CENATAC: variants seen among roughly 807,000 people sequenced by gnomAD.
CENATAC encodes the protein centrosomal AT-AC splicing factor.
In CENATAC, 53 loss-of-function variants were observed where a neutral mutation model predicts 53.7. That is an observed-to-expected ratio of 0.99 (90% CI 0.79 to 1.24). The LOEUF (loss-of-function observed/expected upper bound fraction) is 1.24. Among genes scored for constraint, CENATAC ranks in the 50% most tolerant of loss-of-function variants. CENATAC has a pLI of 0.00. For missense variants in CENATAC, 474 were observed against 417.8 expected (o/e 1.13, Z -1.17); for synonymous variants, 156 against 144.6 (o/e 1.08, Z -0.57).
chr11:119,010,621 G>C, intron 3 of CENATAC, 143 bp from the exon 4 acceptor site: 1 of 670,966 alleles, frequency 1.5e-6, no homozygotes, highest in South Asian at 2.0e-5. Flanking sequence ...AAGGACTCTG[G>C]GTGAGAGGTA....
chr11:119,013,290 C>A (rs1460377134), intron 8 of CENATAC, 28 bp downstream of exon 8: 2 of 1,581,252 alleles, frequency 1.3e-6, no homozygotes, highest in Non-Finnish European at 8.6e-7. Context: ...GTTTTTAAAA[C>A]CCTGGGAGAT....
intron 3 of CENATAC, chr11:119,009,434 T>C (rs998727795): frequency 6.7e-6 from 1 of 149,002 alleles, no homozygotes; most frequent in Admixed American, 6.6e-5. Flanking sequence ...GCTTAAATGA[T>C]TTTTTAAAAC....
chr11:119,008,105 A>G (rs1433328848), intron 3 of CENATAC, among the ~76,000 whole-genome samples: 1 of 152,166 alleles, frequency 6.6e-6, no homozygotes, highest in Non-Finnish European at 1.5e-5. Context: ...TACTTATTGA[A>G]GGGGTGGCCT....
At chr11:119,011,915 T>G (rs1217769248) in intron 5 of CENATAC, 24 bp from the exon 6 acceptor site, 1 of 1,612,278 alleles carries the variant, frequency 6.2e-7, no homozygotes, top group Non-Finnish European at 8.5e-7. Flanking sequence ...CCAGACACAT[T>G]TATTTTTCCT....
At chr11:119,013,978 A>C (rs1469882849) in intron 8 of CENATAC, 1 of 152,196 alleles carries the variant, frequency 6.6e-6, no homozygotes, top group Non-Finnish European at 1.5e-5. Context: ...TTAAAGACTG[A>C]TCATGCCAAG....
At position 118,998,159 on chromosome 11, in the gene CENATAC, G is replaced by T. The variant is rs202159848; in HGVS notation, c.-39G>T. ...GGTCAGAGGCCGCCGGATGGCGTAG[G>T]ATCGGCCGCTGGTGGTGGTGATACC... On this transcript the variant is annotated 5_prime_UTR_variant, in exon 1 of 11. Transcript: ENST00000334418. The T allele has an allele frequency of 3.8e-6, 6 of 1,559,444 alleles. No homozygotes were observed. In the East Asian group the frequency reaches 1.4e-4, roughly 37 times the overall value.
At chr11:119,011,380 CT>C (rs373262037) in intron 5 of CENATAC, 97 bp downstream of exon 5, 18,412 of 923,664 alleles carry the variant, frequency 0.02, 103 homozygotes, top group African/African-American at 0.07. Flanking sequence ...TCTTCTTCTT[CT>C]TTTTTTTTTG....
At chr11:119,007,654 T>C (rs552656590) in intron 3 of CENATAC, among the ~76,000 whole-genome samples, 51 of 152,012 alleles carry the variant, frequency 3.4e-4, no homozygotes, top group Non-Finnish European at 6.3e-4. Context: ...CACACCTGGC[T>C]ATTTCTGTAT....
At position 119,014,974 on chromosome 11, in the gene CENATAC, A is replaced by G. The variant is rs782692857; in HGVS notation, c.716-20A>G. 9 of 1,459,490 alleles carry G rather than the reference A, an allele frequency of 6.2e-6. No individual in the cohort carries two copies. The highest frequency in any genetic ancestry group is 2.3e-5 in the East Asian group (1 of 43,762). The allele number at this position is 1,459,490 out of a possible 1,614,324, so 90.4% of individuals were successfully genotyped here. On this transcript the variant is annotated intron_variant, in intron 8 of 10. Transcript: ENST00000334418. ...CTGAAGACTTAAAAAAAAAAAAAAA[A>G]GCCTTAATTTTTTTTTCAGGTGCCA...
chr11:119,000,483 AT>A (rs937950880), intron 3 of CENATAC, among the ~76,000 whole-genome samples: 2 of 70,592 alleles, frequency 2.8e-5, no homozygotes, highest in Non-Finnish European at 6.4e-5. Flanking sequence ...GGATTTAGTT[AT>A]TTTTTTCTTT....
intron 3 of CENATAC, 195 bp downstream of exon 3, chr11:118,999,304 G>A (rs1942172155): frequency 1.9e-6 from 1 of 537,838 alleles, no homozygotes; most frequent in Non-Finnish European, 3.3e-6. Flanking sequence ...TGGGGGATAG[G>A]ATTTAGCAAA....
At position 119,011,087 on chromosome 11, in the gene CENATAC, C is replaced by T. The variant is rs576878353; in HGVS notation, c.451-134C>T. 25 of 726,838 alleles carry T rather than the reference C, an allele frequency of 3.4e-5. No individual in the cohort carries two copies. In the Admixed American group the frequency reaches 3.8e-4, roughly 11 times the overall value. The allele number at this position is 726,838 out of a possible 1,614,324, so 45.0% of individuals were successfully genotyped here. ...AGGAGCTCAGGCGGCAGTGCTGTTG[C>T]AGCCTGCTTCCTGACAGGCCACAGA... On this transcript the variant is annotated intron_variant, in intron 4 of 10. Coordinates refer to ENST00000334418, the MANE Select transcript of CENATAC (RefSeq NM_198489.3).
chr11:119,010,683 TAAA>T, intron 3 of CENATAC, 78 bp from the exon 4 acceptor site: 1 of 1,266,668 alleles, frequency 7.9e-7, no homozygotes, highest in South Asian at 1.3e-5. Context: ...TTCTCAAAAT[TAAA>T]AAAATATCTA....
intron 7 of CENATAC, 26 bp downstream of exon 7, chr11:119,012,280 A>C: frequency 6.2e-7 from 1 of 1,612,342 alleles, no homozygotes; most frequent in Non-Finnish European, 8.5e-7. Flanking sequence ...AAGCCAGAAG[A>C]GGGCCAATGG....
intron 8 of CENATAC, among the ~76,000 whole-genome samples, 184 bp downstream of exon 8, chr11:119,013,446 C>A (rs567552001): frequency 6.6e-6 from 1 of 150,490 alleles, no homozygotes; most frequent in Non-Finnish European, 1.5e-5. Context: ...CAGGTGTGCA[C>A]CACCACACCC....
At chr11:119,007,388 T>C (rs184170034) in intron 3 of CENATAC, among the ~76,000 whole-genome samples, 5 of 152,256 alleles carry the variant, frequency 3.3e-5, no homozygotes, top group African/African-American at 1.2e-4. Context: ...TTCAGCATGT[T>C]GGTCAGGCTG....
intron 3 of CENATAC, among the ~76,000 whole-genome samples, chr11:119,000,587 C>G (rs938970251): frequency 9.9e-5 from 15 of 151,808 alleles, no homozygotes; most frequent in East Asian, 5.8e-4. Flanking sequence ...AAAACCCTGT[C>G]TCTACTAAAA....
chr11:119,003,291 G>A (rs1020081274), intron 3 of CENATAC: 29 of 526,584 alleles, frequency 5.5e-5, no homozygotes, highest in East Asian at 4.0e-4. Flanking sequence ...CACTGCCTCC[G>A]GAGTCGCAAT....
At position 119,015,066 on chromosome 11, in the gene CENATAC, A is replaced by T; in HGVS notation, c.788A>T (p.Glu263Val). ...AGNQEIGPSYEEFLKEKEKQK... is the reference protein window; with the variant it reads ...AGNQEIGPSYVEFLKEKEKQK... ...AACCAAGAAATAGGACCATCCTATGAAGAATTTCTTAAAGAAAGTAAGTAA... is the reference window on the plus strand; with the variant it reads ...AACCAAGAAATAGGACCATCCTATGTAGAATTTCTTAAAGAAAGTAAGTAA... The change falls in exon 9 of 11, where the codon GAA becomes GTA. Residue 263 changes from glutamate to valine, a missense_variant. Physicochemically the swap from Glu to Val is moderately radical, Grantham distance 121. Coordinates refer to ENST00000334418, the MANE Select transcript of CENATAC (RefSeq NM_198489.3). 1.2e-6 allele frequency: 2 copies of T among 1,611,216 alleles called. No individual in the cohort carries two copies. Among genetic ancestry groups the T allele is most frequent in the East Asian group, 2.2e-5 (1 of 44,866 alleles).
Sources: allele counts gnomAD v4.1 joint callset (sites outside exome capture counted in the v4.1 genomes callset), GRCh38; gene constraint gnomAD v4.1.1; transcripts MANE v1.5; gene names NCBI Gene and HGNC (gene_info 2026-07-23, HGNC 2026-07-21).